Variants in ATRX observed in about 807,000 individuals in gnomAD.
ATRX encodes the protein chromatin remodeler ATRX.
A neutral mutation model predicts 172.6 loss-of-function variants in ATRX; 12 were observed. The ratio of observed to expected loss-of-function variants is 0.07; its 90% confidence interval spans 0.04 to 0.11. The LOEUF (loss-of-function observed/expected upper bound fraction) is 0.11. Ranked by LOEUF, ATRX falls within the 10% of genes least tolerant of loss-of-function variation. ATRX has a pLI of 1.00. For missense variants in ATRX, 1,368 were observed against 1,767.4 expected (o/e 0.77, Z 4.05); for synonymous variants, 674 against 594.7 (o/e 1.13, Z -1.94).
chrX:77,691,789 T>C (rs1195626201), intron 6 of ATRX, among the ~76,000 whole-genome samples: 1 of 111,720 alleles, frequency 9.0e-6, no homozygotes, highest in Non-Finnish European at 1.9e-5. Context: ...AATTCAGTAT[T>C]TCAGATCACC....
In ATRX at chrX:77,651,509, C is replaced by T. The variant is rs2069240652; in HGVS notation, c.4557+605G>A. Among the ~76,000 whole-genome samples the T allele has an allele frequency of 3.6e-5, 4 of 111,765 alleles. No homozygotes were observed. In the Admixed American group the frequency reaches 3.8e-4, roughly 11 times the overall value. ...TAATTAAATTAATAAAGCTTAATGA[C>T]TATTTTAAGTTGCATGAAATAGTGA... On this transcript the variant is annotated intron_variant, in intron 15 of 34. Coordinates refer to ENST00000373344, the MANE Select transcript of ATRX (RefSeq NM_000489.6).
chrX:77,730,172 A>G (rs782135373), intron 1 of ATRX, among the ~76,000 whole-genome samples: 1 of 111,814 alleles, frequency 8.9e-6, no homozygotes, highest in African/African-American at 3.2e-5. Flanking sequence ...GGAAACCAAA[A>G]AAGTGCAGAA....
At chrX:77,731,922 G>T (rs2148813778) in intron 1 of ATRX, among the ~76,000 whole-genome samples, 1 of 111,067 alleles carries the variant, frequency 9.0e-6, no homozygotes, top group South Asian at 3.8e-4. Flanking sequence ...AAGAGCTCAG[G>T]ACCCACTGAG....
At chrX:77,616,293 T>TA (rs1164373258) in intron 22 of ATRX, 7 of 903,170 alleles carry the variant, frequency 7.8e-6, no homozygotes, top group East Asian at 5.9e-5. Context: ...AAATACTTTT[T>TA]AAAAAAATAC....
chrX:77,624,348 C>A (rs1348770493), intron 19 of ATRX, among the ~76,000 whole-genome samples: 1 of 110,186 alleles, frequency 9.1e-6, no homozygotes, highest in East Asian at 2.8e-4. Context: ...GCCTGGGCGA[C>A]AGAGCGAGAC....
intron 19 of ATRX, among the ~76,000 whole-genome samples, chrX:77,626,954 G>A (rs184412000): frequency 8.9e-6 from 1 of 112,181 alleles, no homozygotes; most frequent in African/African-American, 3.2e-5. Context: ...AGCCAGGCGC[G>A]GTGGCTCACG....
rs782223129 is a variant in ATRX, at chrX:77,551,763, T to C, written c.6699+5688A>G. On this transcript the variant is annotated intron_variant, in intron 30 of 34. Transcript: ENST00000373344. The stretch of plus-strand genomic sequence containing the variant: ...CCAGAATCTACAATGAACTCAAACA[T>C]ATTTACAAGAAAACAAACAAACAAC... Among the ~76,000 whole-genome samples the C allele has an allele frequency of 3.7e-5, 4 of 109,275 alleles. No individual in the cohort carries two copies. In the East Asian group the frequency reaches 1.4e-3, roughly 38 times the overall value. 94.9% of individuals were successfully genotyped at this position (109,275 alleles called of 115,157 possible). A position where few individuals can be genotyped will look rare whatever the true frequency, so the allele number is the denominator to read the frequency against.
In ATRX at chrX:77,681,783, G is replaced by C. The variant is rs2071213589; in HGVS notation, c.3473C>G (p.Ala1158Gly). The change falls in exon 9 of 35, where the codon GCT (alanine) becomes GGT (glycine). Residue 1158 changes from alanine (A) to glycine (G), a missense_variant. This residue lies in a region of ATRX where 843 missense variants were observed against 643.1 expected (regional missense o/e 1.31). Coordinates refer to ENST00000373344, the MANE Select transcript of ATRX (RefSeq NM_000489.6). ...EIQSGSSSSDAEESSEDNKKK... is the reference protein window; with the variant it reads ...EIQSGSSSSDGEESSEDNKKK... ...TTTATTATCTTCAGAACTTTCCTCA[G>C]CATCAGATGATGATGAGCCACTTTG... 1 of 1,195,413 alleles carries C rather than the reference G, an allele frequency of 8.4e-7. No individual in the cohort carries two copies. Among genetic ancestry groups the C allele is most frequent in the Admixed American group, 2.3e-5 (1 of 42,752 alleles).
chrX:77,717,862 C>T (rs782743280), intron 1 of ATRX, among the ~76,000 whole-genome samples: 15 of 111,035 alleles, frequency 1.4e-4, no homozygotes, highest in Non-Finnish European at 2.6e-4. Flanking sequence ...AACCTACCTA[C>T]CACAAAAGAA....
chrX:77,531,758 C>G (rs1187146211), intron 30 of ATRX, among the ~76,000 whole-genome samples: 2 of 111,462 alleles, frequency 1.8e-5, no homozygotes, highest in Admixed American at 9.6e-5. Context: ...TCCTATTCAA[C>G]GTAGTATTGG....
intron 15 of ATRX, among the ~76,000 whole-genome samples, chrX:77,647,039 G>A (rs1557114165): frequency 9.1e-6 from 1 of 110,234 alleles, no homozygotes; most frequent in Admixed American, 9.7e-5. Flanking sequence ...ATATAATCAG[G>A]CACAAAAAAG....
intron 34 of ATRX, among the ~76,000 whole-genome samples, chrX:77,513,234 C>G (rs782434842): frequency 2.0e-3 from 197 of 100,410 alleles, no homozygotes; most frequent in Non-Finnish European, 3.2e-3. Flanking sequence ...GGAGAATGGC[C>G]TGAACCCGGG....
At chrX:77,615,382 A>G (rs2067314086) in intron 22 of ATRX, among the ~76,000 whole-genome samples, 1 of 111,608 alleles carries the variant, frequency 9.0e-6, no homozygotes, top group African/African-American at 3.3e-5. Flanking sequence ...AACATTTTAA[A>G]AGGAAAAAAT....
intron 29 of ATRX, 25 bp from the exon 30 acceptor site, chrX:77,557,670 A>G: frequency 8.6e-7 from 1 of 1,156,983 alleles, no homozygotes; most frequent in South Asian, 1.9e-5. Flanking sequence ...GGAAGAATAT[A>G]CAAAAAAATA....
At chrX:77,548,300 G>T (rs2064323389) in intron 30 of ATRX, among the ~76,000 whole-genome samples, 1 of 110,998 alleles carries the variant, frequency 9.0e-6, no homozygotes, top group African/African-American at 3.3e-5. Context: ...TATTTTTTCT[G>T]GTGGTCTATT....
intron 33 of ATRX, 107 bp from the exon 34 acceptor site, chrX:77,521,023 T>C (rs1366865279): frequency 6.0e-6 from 5 of 839,497 alleles, no homozygotes; most frequent in Non-Finnish European, 8.4e-6. Context: ...ACCCCCCTTT[T>C]CCTTTATTCT....
In ATRX at chrX:77,786,093, CT is replaced by C; in HGVS notation, c.-93del. ...GGTTACGATAGAAATGCACTGGAGT[CT>C]TAGTCGTCACTGTAGCTGCTGCTGG... On this transcript the variant is annotated 5_prime_UTR_variant, in exon 1 of 35. Transcript: ENST00000373344. 1 of 1,040,708 alleles carries C rather than the reference CT, an allele frequency of 9.6e-7. No homozygotes were observed. The highest frequency in any genetic ancestry group is 1.3e-6 in the Non-Finnish European group (1 of 764,398). 85.8% of individuals were successfully genotyped at this position (1,040,708 alleles called of 1,213,427 possible). A position where few individuals can be genotyped will look rare whatever the true frequency, so the allele number is the denominator to read the frequency against.
chrX:77,691,595 C>T (rs1290647435), intron 6 of ATRX, among the ~76,000 whole-genome samples: 1 of 111,270 alleles, frequency 9.0e-6, no homozygotes, highest in Non-Finnish European at 1.9e-5. Flanking sequence ...GAAATGTTAA[C>T]TTTAACCGTA....
At chrX:77,694,271 T>C (rs2072059956) in intron 5 of ATRX, among the ~76,000 whole-genome samples, 1 of 112,199 alleles carries the variant, frequency 8.9e-6, no homozygotes, top group Non-Finnish European at 1.9e-5. Flanking sequence ...AATATGAACA[T>C]CTATGCTAAG....
Sources: gnomAD v4.1 joint callset for allele counts (sites outside exome capture counted in the v4.1 genomes callset) on GRCh38, gnomAD v4.1.1 for gene constraint, gnomAD v4.1.1 regional missense constraint, MANE v1.5 for transcripts, NCBI Gene and HGNC (gene_info 2026-07-23, HGNC 2026-07-21) for gene names.